The following PAPPA2 variants were observed in gnomAD, a reference collection of about 807,000 sequenced individuals.
PAPPA2 encodes pappalysin-2.
A neutral mutation model predicts 176.4 loss-of-function variants in PAPPA2; 86 were observed. The ratio of observed to expected loss-of-function variants is 0.49; its 90% CI spans 0.41 to 0.58. PAPPA2 has a LOEUF of 0.58. Ranked by LOEUF, PAPPA2 falls within the 20% of genes least tolerant of loss-of-function variation. The probability of loss-of-function intolerance (pLI) is 0.00; values close to 1 mark genes in which losing one functional copy is unlikely to be tolerated. For missense variants in PAPPA2, 2,073 were observed against 2,256.9 expected (o/e 0.92, Z 1.65); for synonymous variants, 809 against 852.2 (o/e 0.95, Z 0.88).
At chr1:176,667,168 C>T (rs1658707413) in intron 3 of PAPPA2, among the ~76,000 whole-genome samples, 1 of 151,818 alleles carries the variant, frequency 6.6e-6, no homozygotes, top group South Asian at 2.1e-4. Flanking sequence ...ATCGCTTGAA[C>T]CAGGGAGGTG....
intron 12 of PAPPA2, among the ~76,000 whole-genome samples, chr1:176,721,308 A>G (rs1661604219): frequency 6.6e-6 from 1 of 152,202 alleles, no homozygotes; most frequent in African/African-American, 2.4e-5. Context: ...CTTTTCCTGC[A>G]TTTATTGCTC....
chr1:176,791,454 G>A lies in PAPPA2; in HGVS notation c.4992G>A (p.Glu1664=). 6.2e-7 allele frequency: 1 copy of A among 1,613,912 alleles called. No individual in the cohort carries two copies. The highest frequency in any genetic ancestry group is 8.5e-7 in the Non-Finnish European group (1 of 1,179,822). ...PPPPSELNSV[E]YKCEQGYGIG... ...CCCCCTCAGAGCTGAATTCTGTGGA[G>A]TACAAATGTGAACAAGGATATGGGA... Residue 1664 remains glutamate, a synonymous_variant, in exon 19 of 23, where the codon GAG becomes GAA. Transcript: ENST00000367662.
At position 176,580,873 on chromosome 1, in the gene PAPPA2, A is replaced by G. The variant is rs141040045; in HGVS notation, c.920-13651A>G. Among the ~76,000 whole-genome samples, 310 of 152,134 alleles carry G rather than the reference A, an allele frequency of 2.0e-3. 1 individual carries two copies. The highest frequency in any genetic ancestry group is 6.6e-3 in the African/African-American group (276 of 41,516). ...TGTTTGCATTTTTTGCATATTCTGG[A>G]TATTAAACCACTGTTGGATGAATAG... On this transcript the variant is annotated intron_variant, in intron 2 of 22. Transcript: ENST00000367662.
intron 14 of PAPPA2, among the ~76,000 whole-genome samples, chr1:176,740,528 C>T (rs1260343538): frequency 6.6e-6 from 1 of 152,174 alleles, no homozygotes; most frequent in Non-Finnish European, 1.5e-5. Flanking sequence ...GCCAAAAACT[C>T]AATGTTCCTT....
chr1:176,716,602 C>CTTTTTTTTTTT (rs71299410), intron 12 of PAPPA2, among the ~76,000 whole-genome samples: 90 of 114,826 alleles, frequency 7.8e-4, no homozygotes, highest in African/African-American at 1.0e-3. Context: ...TTCCTTCCTT[C>CTTTTTTTTTTT]TTTTTTTTTT....
At chr1:176,697,681 C>T (rs1237145403) in intron 7 of PAPPA2, among the ~76,000 whole-genome samples, 1 of 152,162 alleles carries the variant, frequency 6.6e-6, no homozygotes, top group Non-Finnish European at 1.5e-5. Context: ...CCTAAAATAG[C>T]TCCCAGCCTC....
intron 1 of PAPPA2, among the ~76,000 whole-genome samples, chr1:176,490,143 CTT>C (rs199759125): frequency 1.8e-4 from 25 of 139,776 alleles, no homozygotes; most frequent in Admixed American, 4.3e-4. Flanking sequence ...TTTTAAGTGT[CTT>C]TTTTTTTTTT....
chr1:176,515,026 C>A (rs74129050), intron 1 of PAPPA2, among the ~76,000 whole-genome samples: 1 of 152,188 alleles, frequency 6.6e-6, no homozygotes, highest in Non-Finnish European at 1.5e-5. Context: ...GCTAATCTTG[C>A]TTTGTTAGTT....
chr1:176,561,142 C>T (rs11590528), intron 2 of PAPPA2, among the ~76,000 whole-genome samples: 34,989 of 151,946 alleles, frequency 0.23, 5,314 homozygotes, highest in African/African-American at 0.43. Context: ...CTGTGGTCTT[C>T]AGCGATCCAT....
intron 17 of PAPPA2, among the ~76,000 whole-genome samples, chr1:176,786,101 G>A (rs984017581): frequency 6.6e-6 from 1 of 152,084 alleles, no homozygotes; most frequent in African/African-American, 2.4e-5. Context: ...GAGAGTCCCC[G>A]GAGGATATAA....
intron 3 of PAPPA2, chr1:176,616,459 C>G: frequency 1.4e-6 from 1 of 699,220 alleles, no homozygotes; most frequent in South Asian, 1.5e-5. Flanking sequence ...AGTACTGGAG[C>G]TTTCCCAAGG....
At chr1:176,729,659 A>G (rs185961999) in intron 12 of PAPPA2, among the ~76,000 whole-genome samples, 268 of 152,214 alleles carry the variant, frequency 1.8e-3, no homozygotes, top group African/African-American at 6.3e-3. Context: ...TGAATGAACT[A>G]TTCATTATTC....
At chr1:176,498,751 C>CAA (rs1553352050) in intron 1 of PAPPA2, among the ~76,000 whole-genome samples, 2 of 112,128 alleles carry the variant, frequency 1.8e-5, no homozygotes, top group African/African-American at 3.3e-5. Flanking sequence ...CTCTTACCTC[C>CAA]AAAAAAAAAA....
intron 3 of PAPPA2, among the ~76,000 whole-genome samples, chr1:176,607,735 CT>C (rs530173226): frequency 6.2e-4 from 94 of 152,254 alleles, no homozygotes; most frequent in African/African-American, 2.2e-3. Flanking sequence ...ATTTGAATAG[CT>C]GTTTTTTATT....
intron 2 of PAPPA2, among the ~76,000 whole-genome samples, 173 bp from the exon 3 acceptor site, chr1:176,594,351 C>T (rs956193522): frequency 2.0e-5 from 3 of 152,196 alleles, no homozygotes; most frequent in African/African-American, 4.8e-5. Flanking sequence ...TATGCCAGAA[C>T]GGCCTGATAT....
Position 176,556,719 on chromosome 1 carries a change from A to G in PAPPA2, c.397A>G (p.Ser133Gly), listed in dbSNP as rs1651322080. ...GCCGGCTGCCCCATGGGTAGGGGAT[A>G]GTCCTATTGGGCAATCTGAGCTGCT... The part of the protein sequence containing the change: ...EEPAAPWVGD[S>G]PIGQSELLGD... The change falls in exon 2 of 23, where the codon AGT becomes GGT. Residue 133 changes from serine to glycine, a missense_variant. Physicochemically the swap from Ser to Gly is moderately conservative, Grantham distance 56. Coordinates refer to ENST00000367662, the MANE Select transcript of PAPPA2 (RefSeq NM_020318.3). 1.2e-6 allele frequency: 2 copies of G among 1,614,116 alleles called. No homozygotes were observed. The highest frequency in any genetic ancestry group is 8.5e-7 in the Non-Finnish European group (1 of 1,179,962).
At chr1:176,533,000 C>G (rs1248567542) in intron 1 of PAPPA2, among the ~76,000 whole-genome samples, 1 of 152,228 alleles carries the variant, frequency 6.6e-6, no homozygotes, top group Non-Finnish European at 1.5e-5. Context: ...GTTGAGGTTT[C>G]TATTTGATTC....
intron 12 of PAPPA2, among the ~76,000 whole-genome samples, chr1:176,735,591 G>A (rs1368723824): frequency 1.3e-5 from 2 of 152,016 alleles, no homozygotes; most frequent in Non-Finnish European, 2.9e-5. Context: ...CTTCACCAGT[G>A]GCCAATGGTT....
chr1:176,636,877 T>C (rs1430883874), intron 3 of PAPPA2, among the ~76,000 whole-genome samples: 1 of 152,156 alleles, frequency 6.6e-6, no homozygotes, highest in Non-Finnish European at 1.5e-5. Context: ...AAGGCATGTA[T>C]GCAATGAGCT....
Sources: allele counts gnomAD v4.1 joint callset (sites outside exome capture counted in the v4.1 genomes callset), GRCh38; gene constraint gnomAD v4.1.1; transcripts MANE v1.5; gene names NCBI Gene and HGNC (gene_info 2026-07-23, HGNC 2026-07-21).